The following TXNDC9 variants were observed in gnomAD, a reference collection of about 807,000 sequenced individuals.
TXNDC9 encodes the protein thioredoxin domain-containing protein 9.
A neutral mutation model predicts 23.0 loss-of-function variants in TXNDC9; 7 were observed. The observed-to-expected ratio is 0.30, with a 90% confidence interval of 0.17 to 0.57. The LOEUF (loss-of-function observed/expected upper bound fraction) is 0.57, where lower values mean the gene tolerates loss of function less well. Among genes scored for constraint, TXNDC9 ranks in the 20% least tolerant of loss-of-function variants. The pLI is 0.90. For missense variants in TXNDC9, 198 were observed against 252.6 expected (o/e 0.78, Z 1.47); for synonymous variants, 72 against 90.6 (o/e 0.79, Z 1.17).
intron 4 of TXNDC9, among the ~76,000 whole-genome samples, chr2:99,320,818 A>G (rs543668795): frequency 4.6e-5 from 7 of 152,338 alleles, no homozygotes; most frequent in African/African-American, 1.4e-4. Flanking sequence ...AGACAATGAT[A>G]AAACAAATAT....
the TXNDC9 span, among the ~76,000 whole-genome samples, chr2:99,313,695 T>C: frequency 6.6e-6 from 1 of 152,284 alleles, no homozygotes; most frequent in Non-Finnish European, 1.5e-5. Context: ...TGATGAAATA[T>C]AGGTGGGCAT....
the TXNDC9 span, among the ~76,000 whole-genome samples, chr2:99,310,290 T>G: frequency 0.021 from 3,157 of 152,342 alleles, 36 homozygotes; most frequent in Middle Eastern, 0.044. Flanking sequence ...GGTTTTCTTT[T>G]TTTGAGTCAG....
At chr2:99,313,690 A>G in the TXNDC9 span, among the ~76,000 whole-genome samples, 2 of 152,176 alleles carry the variant, frequency 1.3e-5, no homozygotes, top group South Asian at 4.1e-4. Context: ...TAGCCTGATG[A>G]AATATAGGTG....
At chr2:99,311,600 G>A in the TXNDC9 span, among the ~76,000 whole-genome samples, 2 of 151,824 alleles carry the variant, frequency 1.3e-5, 1 homozygote, top group South Asian at 4.1e-4. Flanking sequence ...CAGCCCTCAG[G>A]CTGGTCTTGA....
chr2:99,323,641 C>CA (rs2094207312), intron 3 of TXNDC9, among the ~76,000 whole-genome samples: 1 of 151,932 alleles, frequency 6.6e-6, no homozygotes, highest in Non-Finnish European at 1.5e-5. Flanking sequence ...GAGGCTGAGG[C>CA]ACGAGAATCA....
intron 3 of TXNDC9, chr2:99,322,451 T>C: frequency 7.7e-7 from 1 of 1,300,660 alleles, no homozygotes; most frequent in Non-Finnish European, 1.0e-6. Flanking sequence ...ATATTCTCTT[T>C]TAAAATATTA....
chr2:99,330,986 G>C (rs1427989213), intron 2 of TXNDC9, among the ~76,000 whole-genome samples: 1 of 152,108 alleles, frequency 6.6e-6, no homozygotes, highest in African/African-American at 2.4e-5. Context: ...TAATAAAAAA[G>C]GCTTATAGCC....
At chr2:99,326,085 C>A (rs2094212267) in intron 3 of TXNDC9, among the ~76,000 whole-genome samples, 1 of 151,908 alleles carries the variant, frequency 6.6e-6, no homozygotes, top group Admixed American at 6.6e-5. Flanking sequence ...TTATATATCA[C>A]CTCATCATAT....
chr2:99,327,504 T>A (rs774123262), intron 3 of TXNDC9, 31 bp downstream of exon 3: 16 of 1,483,326 alleles, frequency 1.1e-5, no homozygotes, highest in African/African-American at 9.7e-5. Flanking sequence ...TGTGTTTTTT[T>A]AGAAAAAGTC....
the TXNDC9 span, among the ~76,000 whole-genome samples, chr2:99,311,712 T>C: frequency 2.6e-5 from 4 of 152,194 alleles, no homozygotes; most frequent in South Asian, 2.1e-4. Flanking sequence ...AGCCATCCTC[T>C]GTCCTTGACT....
chr2:99,313,835 A>G, the TXNDC9 span, among the ~76,000 whole-genome samples: 2 of 152,138 alleles, frequency 1.3e-5, no homozygotes, highest in Admixed American at 6.6e-5. Flanking sequence ...GTTTATTCAT[A>G]TCCTTCACAT....
chr2:99,328,845 T>C (rs1022681574), intron 2 of TXNDC9, among the ~76,000 whole-genome samples: 4 of 150,940 alleles, frequency 2.7e-5, no homozygotes, highest in African/African-American at 9.7e-5. Context: ...AGAAATTACC[T>C]AGCTGTGGTG....
the TXNDC9 span, among the ~76,000 whole-genome samples, chr2:99,312,151 G>T: frequency 6.6e-6 from 1 of 152,120 alleles, no homozygotes; most frequent in Non-Finnish European, 1.5e-5. Flanking sequence ...ATAGCAGGAA[G>T]AGCCTTGGTT....
At chr2:99,327,483 A>G in intron 3 of TXNDC9, 52 bp downstream of exon 3, 1 of 1,336,594 alleles carries the variant, frequency 7.5e-7, no homozygotes, top group Non-Finnish European at 1.1e-6. Flanking sequence ...ATCTCCAGCC[A>G]AACAATTCAC....
In TXNDC9 at chr2:99,319,685, A is replaced by G; in HGVS notation, c.678T>C (p.Asp226=). 6.4e-7 allele frequency: 1 copy of G among 1,571,256 alleles called. No homozygotes were observed. The highest frequency in any genetic ancestry group is 8.6e-7 in the Non-Finnish European group (1 of 1,160,112). ...ATTTACAAAGAATTATTGAGCTCTA[A>G]TCATCATCAGAGTCTGAATCATATT... ...GKKYDSDSDD[D] The change falls in exon 5 of 5, where the codon GAT becomes GAC. Residue 226 remains aspartate (D), a synonymous_variant. Coordinates refer to ENST00000264255, the MANE Select transcript of TXNDC9 (RefSeq NM_005783.4).
downstream of TXNDC9, among the ~76,000 whole-genome samples, chr2:99,316,914 G>A (rs986254794): frequency 1.5e-4 from 23 of 152,164 alleles, no homozygotes; most frequent in African/African-American, 5.3e-4. Flanking sequence ...CCGCCACCAC[G>A]CCCGGCTAAT....
the TXNDC9 span, among the ~76,000 whole-genome samples, chr2:99,311,234 A>G: frequency 2.6e-5 from 4 of 151,896 alleles, no homozygotes; most frequent in East Asian, 1.9e-4. Context: ...GACACAGGAG[A>G]ATTTTTTTAT....
downstream of TXNDC9, among the ~76,000 whole-genome samples, chr2:99,318,364 C>T (rs1311591771): frequency 6.6e-6 from 1 of 152,016 alleles, no homozygotes; most frequent in Non-Finnish European, 1.5e-5. Flanking sequence ...TTAGTAGAGA[C>T]GGGGTTTCAC....
intron 4 of TXNDC9, among the ~76,000 whole-genome samples, chr2:99,320,568 A>C (rs1312102055): frequency 3.3e-5 from 5 of 152,238 alleles, no homozygotes; most frequent in African/African-American, 1.2e-4. Flanking sequence ...TGGTAACTAA[A>C]GACGTAATAA....
Sources: allele counts gnomAD v4.1 joint callset (sites outside exome capture counted in the v4.1 genomes callset), GRCh38; gene constraint gnomAD v4.1.1; transcripts MANE v1.5; gene names NCBI Gene and HGNC (gene_info 2026-07-23, HGNC 2026-07-21).